The following TRPC7 variants were observed in gnomAD, a reference collection of about 807,000 sequenced individuals.
The protein encoded by TRPC7 is short transient receptor potential channel 7.
Under a neutral mutation model 90.1 loss-of-function variants are expected in TRPC7, and 42 were observed. The ratio of observed to expected loss-of-function variants is 0.47; its 90% confidence interval spans 0.36 to 0.60. TRPC7 has a LOEUF of 0.60. Among genes scored for constraint, TRPC7 ranks in the 20% least tolerant of loss-of-function variants. The pLI, the probability that TRPC7 is intolerant of heterozygous loss-of-function variation, is 0.00. For synonymous variants in TRPC7, 451 were observed against 436.3 expected (o/e 1.03, Z -0.42); for missense variants, 955 against 1,112.3 (o/e 0.86, Z 2.01).
Position 136,356,599 on chromosome 5 carries a change from A to G in TRPC7, c.780+9T>C, listed in dbSNP as rs2149861383. 6.6e-7 allele frequency: 1 copy of G among 1,524,550 alleles called. No individual in the cohort carries two copies. The highest frequency in any genetic ancestry group is 8.8e-7 in the Non-Finnish European group (1 of 1,135,376). The allele number at this position is 1,524,550 out of a possible 1,614,324, so 94.4% of individuals were successfully genotyped here. On this transcript the variant is annotated intron_variant, in intron 2 of 11. Transcript: ENST00000513104. ...AACCTGCCTGCAGGGTGCTAAGTGG[A>G]AGAGTTACCTTAAATTCAGTCTCAA...
intron 5 of TRPC7, among the ~76,000 whole-genome samples, chr5:136,254,688 C>T (rs1403544854): frequency 6.6e-6 from 1 of 152,166 alleles, no homozygotes; most frequent in Non-Finnish European, 1.5e-5. Flanking sequence ...ATCCATTTTG[C>T]AGCCTGTGGA....
At chr5:136,255,475 T>C (rs546262525) in intron 5 of TRPC7, among the ~76,000 whole-genome samples, 1 of 152,230 alleles carries the variant, frequency 6.6e-6, no homozygotes, top group Non-Finnish European at 1.5e-5. Context: ...AGAGTAATTT[T>C]AAAATTATGG....
At chr5:136,250,884 A>G (rs1474367777) in intron 6 of TRPC7, among the ~76,000 whole-genome samples, 1 of 152,192 alleles carries the variant, frequency 6.6e-6, no homozygotes, top group Non-Finnish European at 1.5e-5. Context: ...TGATTTTCAA[A>G]TCATGTCAGG....
At chr5:136,323,255 T>C (rs1056634220) in intron 2 of TRPC7, among the ~76,000 whole-genome samples, 2 of 152,252 alleles carry the variant, frequency 1.3e-5, no homozygotes, top group Non-Finnish European at 2.9e-5. Flanking sequence ...CCCAGCCATG[T>C]GGAACTGTGA....
chr5:136,336,089 T>C (rs1759652824), intron 2 of TRPC7, among the ~76,000 whole-genome samples: 2 of 152,092 alleles, frequency 1.3e-5, no homozygotes, highest in African/African-American at 2.4e-5. Flanking sequence ...TCTGCCTTTA[T>C]GTCTTTTTTC....
intron 8 of TRPC7, among the ~76,000 whole-genome samples, chr5:136,227,360 A>C (rs1057381814): frequency 1.3e-5 from 2 of 152,144 alleles, no homozygotes; most frequent in African/African-American, 4.8e-5. Flanking sequence ...TATGGAGATA[A>C]AACTGCTTCC....
intron 7 of TRPC7, among the ~76,000 whole-genome samples, chr5:136,244,960 A>G (rs1756289427): frequency 6.6e-6 from 1 of 152,236 alleles, no homozygotes; most frequent in African/African-American, 2.4e-5. Context: ...AGGATAAATT[A>G]TTCACCATCT....
At chr5:136,251,527 G>A in intron 6 of TRPC7, 122 bp downstream of exon 6, 1 of 792,906 alleles carries the variant, frequency 1.3e-6, no homozygotes, top group South Asian at 1.8e-5. Flanking sequence ...AAAGTCGGCT[G>A]TGTTACAAAT....
intron 2 of TRPC7, among the ~76,000 whole-genome samples, chr5:136,347,953 C>A (rs548106918): frequency 2.4e-4 from 36 of 152,346 alleles, no homozygotes; most frequent in Middle Eastern, 3.4e-3. Flanking sequence ...GCTCCAACTG[C>A]GCTGTGGCTT....
chr5:136,287,615 C>A (rs535631433), intron 3 of TRPC7, among the ~76,000 whole-genome samples: 1 of 134,396 alleles, frequency 7.4e-6, no homozygotes, highest in Non-Finnish European at 1.5e-5. Flanking sequence ...CCAGGAGGAA[C>A]GGGTTAATTC....
intron 4 of TRPC7, among the ~76,000 whole-genome samples, chr5:136,269,705 G>A (rs939498404): frequency 1.2e-4 from 19 of 152,144 alleles, no homozygotes; most frequent in African/African-American, 4.1e-4. Context: ...GCACAGCTTC[G>A]GGGTTGGGTG....
At chr5:136,286,342 T>C (rs901233991) in intron 3 of TRPC7, among the ~76,000 whole-genome samples, 7 of 152,178 alleles carry the variant, frequency 4.6e-5, no homozygotes, top group Non-Finnish European at 1.0e-4. Context: ...TCTCAATGAC[T>C]TACTTTGATG....
Position 136,226,075 on chromosome 5 carries a change from C to T in TRPC7, c.2221G>A (p.Glu741Lys), listed in dbSNP as rs1485754621. The T allele has an allele frequency of 6.2e-7, 1 of 1,604,532 alleles. No individual in the cohort carries two copies. The highest frequency in any genetic ancestry group is 8.5e-7 in the Non-Finnish European group (1 of 1,175,150). ...KLCKSKAKSC[E>K]NDLEMGMLNS... ...AGCATGCCCATTTCAAGGTCATTTT[C>T]ACAGCTTTTGGCCTTAGATTTGCAG... Residue 741 changes from glutamate (E) to lysine (K), a missense_variant, in exon 9 of 12, where the codon GAA (glutamate) becomes AAA (lysine). Transcript: ENST00000513104.
chr5:136,301,326 C>A (rs149932732), intron 3 of TRPC7, among the ~76,000 whole-genome samples: 3,726 of 145,104 alleles, frequency 0.026, 71 homozygotes, highest in African/African-American at 0.044. Flanking sequence ...TGCACCCAGC[C>A]CAGGCATTTT....
intron 3 of TRPC7, among the ~76,000 whole-genome samples, chr5:136,278,912 T>C (rs900051141): frequency 2.5e-4 from 38 of 152,078 alleles, no homozygotes; most frequent in African/African-American, 8.9e-4. Context: ...CCCTGACTCG[T>C]CTTCCACTTG....
intron 2 of TRPC7, among the ~76,000 whole-genome samples, chr5:136,354,652 T>C (rs1760306540): frequency 6.6e-6 from 1 of 152,226 alleles, no homozygotes; most frequent in Non-Finnish European, 1.5e-5. Context: ...CTAGTTTTCA[T>C]CACTTTAGTT....
chr5:136,265,180 ATT>A (rs1341096790), intron 5 of TRPC7, among the ~76,000 whole-genome samples: 1 of 152,204 alleles, frequency 6.6e-6, no homozygotes, highest in Non-Finnish European at 1.5e-5. Flanking sequence ...ATTTTGACTC[ATT>A]GTTTGTGAAT....
At chr5:136,236,683 C>T (rs959495472) in intron 7 of TRPC7, among the ~76,000 whole-genome samples, 3 of 152,150 alleles carry the variant, frequency 2.0e-5, no homozygotes, top group African/African-American at 7.2e-5. Flanking sequence ...AGGTCTGTCT[C>T]GGCTGGATAA....
At chr5:136,337,585 G>C (rs1026093749) in intron 2 of TRPC7, among the ~76,000 whole-genome samples, 2 of 151,318 alleles carry the variant, frequency 1.3e-5, no homozygotes, top group African/African-American at 4.9e-5. Flanking sequence ...AGAATCACTT[G>C]AACCTGGGAG....
Sources: gnomAD v4.1 joint callset for allele counts (sites outside exome capture counted in the v4.1 genomes callset) on GRCh38, gnomAD v4.1.1 for gene constraint, MANE v1.5 for transcripts, NCBI Gene and HGNC (gene_info 2026-07-23, HGNC 2026-07-21) for gene names.